The following CACNB2 variants were observed in gnomAD, a reference collection of about 807,000 sequenced individuals.
CACNB2 encodes voltage-dependent L-type calcium channel subunit beta-2.
A neutral mutation model predicts 73.3 loss-of-function variants in CACNB2; 42 were observed. The observed-to-expected ratio is 0.57, with a 90% CI of 0.45 to 0.74. The LOEUF (loss-of-function observed/expected upper bound fraction) is 0.74, where lower values mean the gene tolerates loss of function less well. CACNB2 is among the 30% of genes least tolerant of loss of function. The pLI is 0.00. For missense variants in CACNB2, 940 were observed against 853.0 expected, an observed-to-expected ratio of 1.10 and a Z score of -1.27; for synonymous variants, 348 against 310.3, an observed-to-expected ratio of 1.12 and a Z score of -1.28.
intron 2 of CACNB2, among the ~76,000 whole-genome samples, chr10:18,233,704 G>C (rs1210481152): frequency 6.6e-6 from 1 of 152,130 alleles, no homozygotes; most frequent in Non-Finnish European, 1.5e-5. Flanking sequence ...TGCATTGTCT[G>C]TCTGAACTTT....
At chr10:18,450,400 T>G (rs2046958456) in intron 3 of CACNB2, among the ~76,000 whole-genome samples, 1 of 152,014 alleles carries the variant, frequency 6.6e-6, no homozygotes, top group African/African-American at 2.4e-5. Context: ...GTGCTTTTAG[T>G]AATTATTGAA....
chr10:18,433,170 G>A (rs1280374865), intron 3 of CACNB2, among the ~76,000 whole-genome samples: 1 of 152,028 alleles, frequency 6.6e-6, no homozygotes, highest in African/African-American at 2.4e-5. Flanking sequence ...GTACAAGGCA[G>A]TATGCCAATG....
chr10:18,513,101 CTTTT>C (rs71402179), intron 6 of CACNB2: 24 of 114,394 alleles, frequency 2.1e-4, no homozygotes, highest in South Asian at 6.0e-4. Flanking sequence ...TGACCATAAC[CTTTT>C]TTTTTTTTTT....
intron 3 of CACNB2, among the ~76,000 whole-genome samples, chr10:18,442,020 C>T (rs957363841): frequency 6.6e-6 from 1 of 152,212 alleles, no homozygotes; most frequent in Admixed American, 6.5e-5. Context: ...AGCTCCTCGC[C>T]TCATAATTCC....
chr10:18,301,182 T>C (rs1034053954), intron 2 of CACNB2, among the ~76,000 whole-genome samples: 1 of 152,196 alleles, frequency 6.6e-6, no homozygotes, highest in South Asian at 2.1e-4. Flanking sequence ...TTGCTGTTTC[T>C]GAACTTTTAC....
chr10:18,265,278 C>T (rs553791765), intron 2 of CACNB2, among the ~76,000 whole-genome samples: 4 of 151,474 alleles, frequency 2.6e-5, no homozygotes, highest in Non-Finnish European at 4.4e-5. Flanking sequence ...TACAAGTGCC[C>T]GCCAATTTCA....
chr10:18,436,058 G>GA (rs1471186183), intron 3 of CACNB2, among the ~76,000 whole-genome samples: 3 of 152,164 alleles, frequency 2.0e-5, no homozygotes, highest in Non-Finnish European at 2.9e-5. Context: ...TTTAACAAAA[G>GA]GAGAACTTCA....
In CACNB2 at chr10:18,539,537, A is replaced by ACCACAGACACAGGGAGTC; in HGVS notation, c.1799_1816dup (p.His600_Ser605dup). The ACCACAGACACAGGGAGTC allele has an allele frequency of 6.2e-7, 1 of 1,613,914 alleles. No individual in the cohort carries two copies. The highest frequency in any genetic ancestry group is 2.2e-5 in the East Asian group (1 of 44,848). ...AGAGACGAGACCCACGGGAGCAGTG[A>ACCACAGACACAGGGAGTC]CCACAGACACAGGGAGTCCCGGCAC... On this transcript the variant is annotated inframe_insertion, in exon 14 of 14. Coordinates refer to ENST00000324631, the MANE Select transcript of CACNB2 (RefSeq NM_201596.3).
At chr10:18,415,633 G>A (rs554204713) in intron 3 of CACNB2, among the ~76,000 whole-genome samples, 5 of 152,228 alleles carry the variant, frequency 3.3e-5, no homozygotes, top group African/African-American at 7.2e-5. Context: ...CAGAGCCTAC[G>A]TTAACCAGCA....
chr10:18,484,013 ACT>A (rs985503336), intron 3 of CACNB2, among the ~76,000 whole-genome samples: 5 of 152,088 alleles, frequency 3.3e-5, no homozygotes, highest in Non-Finnish European at 7.4e-5. Flanking sequence ...GTGGGCTGAG[ACT>A]CTTCAAAAAA....
intron 2 of CACNB2, among the ~76,000 whole-genome samples, chr10:18,350,635 G>A (rs149840049): frequency 4.6e-4 from 70 of 152,304 alleles, no homozygotes; most frequent in African/African-American, 1.5e-3. Context: ...AGGTGAGATT[G>A]CCCATCAGCC....
chr10:18,153,797 G>A (rs578123897), intron 2 of CACNB2, among the ~76,000 whole-genome samples: 37 of 148,906 alleles, frequency 2.5e-4, no homozygotes, highest in African/African-American at 8.5e-4. Context: ...GGCGAGGCTG[G>A]TCTCGAACTC....
At chr10:18,398,078 G>C (rs906502732) in intron 2 of CACNB2, among the ~76,000 whole-genome samples, 3 of 152,150 alleles carry the variant, frequency 2.0e-5, no homozygotes, top group African/African-American at 7.2e-5. Flanking sequence ...GGAAACGACC[G>C]CCAGCTGTTC....
At chr10:18,359,698 C>T (rs1318711134) in intron 2 of CACNB2, among the ~76,000 whole-genome samples, 1 of 151,800 alleles carries the variant, frequency 6.6e-6, no homozygotes, top group Non-Finnish European at 1.5e-5. Flanking sequence ...TGGCTTGCTG[C>T]ACCCATCAAC....
rs547538138 is a variant in CACNB2, at chr10:18,450,427, T to G, written c.334-47928T>G. Among the ~76,000 whole-genome samples, 9 of 152,082 alleles carry G rather than the reference T, an allele frequency of 5.9e-5. No individual in the cohort carries two copies. The East Asian group carries it at 1.7e-3, about 30-fold the overall frequency. The stretch of plus-strand genomic sequence containing the variant: ...ATTATTGAAGAATAAGAAGGGCCTG[T>G]GGTGAATAATGTCGAAACAGTGTGA... On this transcript the variant is annotated intron_variant, in intron 3 of 13. Transcript: ENST00000324631.
chr10:18,217,997 C>T (rs1386212283), intron 2 of CACNB2, among the ~76,000 whole-genome samples: 3 of 152,130 alleles, frequency 2.0e-5, no homozygotes, highest in African/African-American at 7.2e-5. Context: ...CGGTATAATA[C>T]TGGGTCATGA....
At chr10:18,320,458 CT>C (rs1427666749) in intron 2 of CACNB2, among the ~76,000 whole-genome samples, 1 of 152,120 alleles carries the variant, frequency 6.6e-6, no homozygotes, top group African/African-American at 2.4e-5. Context: ...TTTTGAAAAA[CT>C]AGTGCTTAAA....
intron 2 of CACNB2, among the ~76,000 whole-genome samples, chr10:18,226,068 C>T (rs1229702823): frequency 1.3e-5 from 2 of 151,110 alleles, no homozygotes; most frequent in Non-Finnish European, 2.9e-5. Context: ...GCTGTGTAGC[C>T]CGGGCTGGAG....
chr10:18,412,173 G>T (rs919878860), intron 3 of CACNB2, among the ~76,000 whole-genome samples: 8 of 152,202 alleles, frequency 5.3e-5, no homozygotes, highest in Non-Finnish European at 8.8e-5. Context: ...CTCCAAGGGG[G>T]TGATAATCAT....
Sources: gnomAD v4.1 joint callset for allele counts (sites outside exome capture counted in the v4.1 genomes callset) on GRCh38, gnomAD v4.1.1 for gene constraint, MANE v1.5 for transcripts, NCBI Gene and HGNC (gene_info 2026-07-23, HGNC 2026-07-21) for gene names.